The following HEMK2 variants were observed in gnomAD, a reference collection of about 807,000 sequenced individuals.
The protein encoded by HEMK2 is HemK methyltransferase 2, ETF1 glutamine and histone H4 lysine.
At chr21:28,602,309 C>A in the HEMK2 span, among the ~76,000 whole-genome samples, 1 of 152,052 alleles carries the variant, frequency 6.6e-6, no homozygotes. Context: ...TATTAAATAT[C>A]TGATATGTGC....
At chr21:28,879,549 C>T in the HEMK2 span, among the ~76,000 whole-genome samples, 3 of 152,144 alleles carry the variant, frequency 2.0e-5, no homozygotes, top group Non-Finnish European at 2.9e-5. Flanking sequence ...CAGTTAAAAC[C>T]TTTTGTTTTG....
chr21:28,614,996 G>A, the HEMK2 span, among the ~76,000 whole-genome samples: 1 of 152,128 alleles, frequency 6.6e-6, no homozygotes, highest in Non-Finnish European at 1.5e-5. Context: ...GCATGGTTCA[G>A]AATGCCTCTT....
the HEMK2 span, among the ~76,000 whole-genome samples, chr21:28,838,617 T>C: frequency 6.8e-6 from 1 of 148,130 alleles, no homozygotes; most frequent in African/African-American, 2.5e-5. Flanking sequence ...CTTAACAAAA[T>C]ACGAACTAAC....
the HEMK2 span, among the ~76,000 whole-genome samples, chr21:28,772,531 C>CTTTTTT: frequency 6.6e-6 from 1 of 152,156 alleles, no homozygotes. Context: ...TTAGAATGCT[C>CTTTTTT]TTAATTGCTT....
the HEMK2 span, among the ~76,000 whole-genome samples, chr21:28,777,586 C>T: frequency 1.4e-4 from 21 of 152,126 alleles, no homozygotes; most frequent in Non-Finnish European, 2.1e-4. Context: ...AGGATGAAAT[C>T]AAGTCTCTGC....
the HEMK2 span, among the ~76,000 whole-genome samples, chr21:28,579,547 A>C: frequency 6.6e-6 from 1 of 152,214 alleles, no homozygotes; most frequent in Admixed American, 6.5e-5. Flanking sequence ...AGAAAATAAA[A>C]GTATACTTAA....
chr21:28,703,591 C>T, the HEMK2 span, among the ~76,000 whole-genome samples: 1 of 152,212 alleles, frequency 6.6e-6, no homozygotes, highest in African/African-American at 2.4e-5. Flanking sequence ...TTTATCTGCT[C>T]ATCCTTTATC....
chr21:28,800,532 T>C, the HEMK2 span, among the ~76,000 whole-genome samples: 3 of 152,206 alleles, frequency 2.0e-5, no homozygotes, highest in Admixed American at 1.3e-4. Flanking sequence ...ACATTATATA[T>C]AAATGTATAT....
At chr21:28,734,788 G>A in the HEMK2 span, among the ~76,000 whole-genome samples, 1 of 152,178 alleles carries the variant, frequency 6.6e-6, no homozygotes, top group Non-Finnish European at 1.5e-5. Context: ...ATTAAGACAA[G>A]TTTGGTGTCT....
At chr21:28,836,629 A>G in the HEMK2 span, among the ~76,000 whole-genome samples, 132 of 152,350 alleles carry the variant, frequency 8.7e-4, 1 homozygote, top group Middle Eastern at 0.01. Flanking sequence ...GGCAACAAAG[A>G]GCACAATGAA....
the HEMK2 span, among the ~76,000 whole-genome samples, chr21:28,881,922 G>A: frequency 1.3e-5 from 2 of 152,196 alleles, no homozygotes; most frequent in Non-Finnish European, 2.9e-5. Flanking sequence ...AAAGGCGTGA[G>A]CCTTTGTACC....
the HEMK2 span, among the ~76,000 whole-genome samples, chr21:28,806,708 T>C: frequency 6.6e-6 from 1 of 152,126 alleles, no homozygotes; most frequent in African/African-American, 2.4e-5. Flanking sequence ...AAAGGTTATG[T>C]GAAGAGACAT....
the HEMK2 span, among the ~76,000 whole-genome samples, chr21:28,849,232 G>A: frequency 2.6e-5 from 4 of 152,080 alleles, no homozygotes; most frequent in African/African-American, 9.7e-5. Flanking sequence ...GACCAGGAGT[G>A]CCGAGCTGAG....
At chr21:28,624,370 T>TCTCCGTAATACATACG in the HEMK2 span, among the ~76,000 whole-genome samples, 1 of 152,216 alleles carries the variant, frequency 6.6e-6, no homozygotes, top group African/African-American at 2.4e-5. Context: ...GACACAGTTC[T>TCTCCGTAATACATACG]AAGTCAATCA....
chr21:28,631,134 G>C, the HEMK2 span, among the ~76,000 whole-genome samples: 2 of 152,164 alleles, frequency 1.3e-5, no homozygotes, highest in Admixed American at 1.3e-4. Context: ...GGGAAATTTT[G>C]ATCCAAAGCT....
the HEMK2 span, among the ~76,000 whole-genome samples, chr21:28,652,417 TTC>T: frequency 3.8e-4 from 58 of 151,978 alleles, no homozygotes; most frequent in African/African-American, 9.2e-4. Flanking sequence ...TTTCCTTTCT[TTC>T]TCTCTTTTCT....
At chr21:28,661,506 A>G in the HEMK2 span, among the ~76,000 whole-genome samples, 3 of 152,096 alleles carry the variant, frequency 2.0e-5, no homozygotes, top group African/African-American at 7.2e-5. Flanking sequence ...TAAAAGTGCT[A>G]GGTTTTGCTG....
At chr21:28,745,767 A>G in the HEMK2 span, among the ~76,000 whole-genome samples, 14 of 152,330 alleles carry the variant, frequency 9.2e-5, no homozygotes, top group South Asian at 1.5e-3. Flanking sequence ...GATGAAAGGA[A>G]TTTTGAAGAT....
At chr21:28,772,409 T>A in the HEMK2 span, among the ~76,000 whole-genome samples, 1 of 152,186 alleles carries the variant, frequency 6.6e-6, no homozygotes, top group Admixed American at 6.5e-5. Context: ...GGTCTCTGGT[T>A]TTGGCAGCTC....
Sources: gnomAD v4.1 joint callset for allele counts (sites outside exome capture counted in the v4.1 genomes callset) on GRCh38, gnomAD v4.1.1 for gene constraint, MANE v1.5 for transcripts, NCBI Gene and HGNC (gene_info 2026-07-23, HGNC 2026-07-21) for gene names.